The following GREB1L variants were observed in gnomAD, a reference collection of about 807,000 sequenced individuals.
GREB1L encodes GREB1 like retinoic acid receptor coactivator.
Under a neutral mutation model 200.8 loss-of-function variants are expected in GREB1L, and 17 were observed. The ratio of observed to expected loss-of-function variants is 0.08; its 90% confidence interval spans 0.06 to 0.13. GREB1L has a LOEUF of 0.13. Ranked by LOEUF, GREB1L falls within the 10% of genes least tolerant of loss-of-function variation. The pLI is 1.00. For synonymous variants in GREB1L, 789 were observed against 893.0 expected (o/e 0.88, Z 2.08); for missense variants, 1,657 against 2,367.7 (o/e 0.70, Z 6.23).
chr18:21,479,113 C>T (rs1000874104), intron 17 of GREB1L, among the ~76,000 whole-genome samples: 4 of 152,102 alleles, frequency 2.6e-5, no homozygotes, highest in Non-Finnish European at 5.9e-5. Flanking sequence ...AACTCGCAAC[C>T]TCAGTTGATC....
chr18:21,262,964 A>G (rs2037912520), intron 1 of GREB1L, among the ~76,000 whole-genome samples: 2 of 152,358 alleles, frequency 1.3e-5, no homozygotes, highest in African/African-American at 2.4e-5. Context: ...TAAACATTTT[A>G]TAAGGACATT....
At chr18:21,516,146 A>G (rs572883871) in intron 29 of GREB1L, among the ~76,000 whole-genome samples, 44 of 152,224 alleles carry the variant, frequency 2.9e-4, no homozygotes, top group African/African-American at 9.9e-4. Context: ...TCCCAAATAA[A>G]TTATGTCCAG....
At chr18:21,422,854 A>G (rs2032263836) in intron 7 of GREB1L, among the ~76,000 whole-genome samples, 1 of 152,210 alleles carries the variant, frequency 6.6e-6, no homozygotes, top group Non-Finnish European at 1.5e-5. Flanking sequence ...GGTTGTACCA[A>G]TATTTCCACA....
chr18:21,397,465 C>T (rs1271592615), intron 5 of GREB1L, among the ~76,000 whole-genome samples: 1 of 148,956 alleles, frequency 6.7e-6, no homozygotes, highest in East Asian at 2.0e-4. Context: ...GCAGAGCTTG[C>T]AGTTAGCGGA....
At chr18:21,480,499 C>A (rs2035874544) in intron 17 of GREB1L, among the ~76,000 whole-genome samples, 1 of 151,846 alleles carries the variant, frequency 6.6e-6, no homozygotes, top group Non-Finnish European at 1.5e-5. Flanking sequence ...AGAAATCATC[C>A]CTGAAATTGA....
chr18:21,295,810 G>C (rs1456412370), intron 1 of GREB1L, among the ~76,000 whole-genome samples: 1 of 152,208 alleles, frequency 6.6e-6, no homozygotes, highest in Non-Finnish European at 1.5e-5. Flanking sequence ...AAAGGCACAG[G>C]GTAGAGGGAA....
chr18:21,298,248 TCA>T (rs2144659977), intron 1 of GREB1L, among the ~76,000 whole-genome samples: 1 of 152,340 alleles, frequency 6.6e-6, no homozygotes, highest in East Asian at 1.9e-4. Context: ...ACATTCACTC[TCA>T]GTCTCAGGCT....
chr18:21,300,055 T>G (rs1456794937), intron 1 of GREB1L, among the ~76,000 whole-genome samples: 1 of 152,220 alleles, frequency 6.6e-6, no homozygotes, highest in African/African-American at 2.4e-5. Context: ...CAGTAGTTTA[T>G]ATCCTTAAAG....
intron 7 of GREB1L, among the ~76,000 whole-genome samples, chr18:21,420,165 G>GT (rs2032030477): frequency 2.0e-5 from 3 of 152,160 alleles, no homozygotes; most frequent in Admixed American, 2.0e-4. Context: ...GAGGTCAGGA[G>GT]TTTGACACCA....
At chr18:21,396,420 G>A (rs1335900743) in intron 5 of GREB1L, among the ~76,000 whole-genome samples, 1 of 152,040 alleles carries the variant, frequency 6.6e-6, no homozygotes, top group Non-Finnish European at 1.5e-5. Flanking sequence ...TAAAAAGCAT[G>A]CAATTTATCA....
chr18:21,354,818 A>G (rs142657755), intron 1 of GREB1L, among the ~76,000 whole-genome samples: 1 of 152,350 alleles, frequency 6.6e-6, no homozygotes, highest in East Asian at 1.9e-4. Flanking sequence ...GCTGGAACAC[A>G]GCATTTAGGA....
In GREB1L at chr18:21,490,533, C is replaced by T. The variant is rs1236178640; in HGVS notation, c.3030+182C>T. 2.0e-5 allele frequency among the ~76,000 whole-genome samples: 3 copies of T among 152,098 alleles called. 1 individual carries two copies. In the East Asian group the frequency reaches 5.8e-4, roughly 29 times the overall value. On this transcript the variant is annotated intron_variant, in intron 19 of 32. Coordinates refer to ENST00000424526, the MANE Select transcript of GREB1L (RefSeq NM_001142966.3). ...ATTAGAACCAGTTTGTAAAGATTGC[C>T]CAGCCCTTTATAGCATGCAGTTAGT...
intron 2 of GREB1L, among the ~76,000 whole-genome samples, chr18:21,372,674 C>T (rs1043937243): frequency 2.0e-5 from 3 of 152,020 alleles, no homozygotes; most frequent in African/African-American, 7.2e-5. Flanking sequence ...ATAATCCCAG[C>T]ACTTCGGGAG....
At position 21,266,739 on chromosome 18, in the gene GREB1L, ACTT is replaced by A. The variant is rs1487533050; in HGVS notation, c.-120+24350_-120+24352del. On this transcript the variant is annotated intron_variant, in intron 1 of 32. Coordinates refer to ENST00000424526, the MANE Select transcript of GREB1L (RefSeq NM_001142966.3). ...TAAGAGACTTTGAAAAATTAAATGA[ACTT>A]CTTTGTGAGATGTGAGTTCCACATT... is the stretch of plus-strand genomic sequence containing the variant. 2.0e-5 allele frequency among the ~76,000 whole-genome samples: 3 copies of A among 152,320 alleles called. No homozygotes were observed. In the East Asian group the frequency reaches 5.8e-4, roughly 29 times the overall value.
rs148564647 is a variant in GREB1L at position 21,355,443 on chromosome 18, C to T, written c.-119-10584C>T. Among the ~76,000 whole-genome samples the T allele has an allele frequency of 2.9e-3, 440 of 152,216 alleles. 5 individuals are homozygous for T. The highest frequency in any genetic ancestry group is 9.9e-3 in the African/African-American group (412 of 41,524). On this transcript the variant is annotated intron_variant, in intron 1 of 32. Coordinates refer to ENST00000424526, the MANE Select transcript of GREB1L (RefSeq NM_001142966.3). ...TCCTGACCTCGTGATCCACCTGCCTCGGCCTCCCAAAGTGCTGGGATTACA... is the reference window on the plus strand; with the variant it reads ...TCCTGACCTCGTGATCCACCTGCCTTGGCCTCCCAAAGTGCTGGGATTACA...
At chr18:21,355,688 GT>G (rs2039493128) in intron 1 of GREB1L, among the ~76,000 whole-genome samples, 1 of 152,158 alleles carries the variant, frequency 6.6e-6, no homozygotes, top group African/African-American at 2.4e-5. Flanking sequence ...AGGGAAGGAA[GT>G]TTCAGAAATC....
At chr18:21,384,543 T>TCACA (rs932349703) in intron 4 of GREB1L, 140 bp downstream of exon 4, 6 of 673,740 alleles carry the variant, frequency 8.9e-6, no homozygotes, top group African/African-American at 1.8e-5. Flanking sequence ...ATGCTCTCAT[T>TCACA]CACATTATCT....
At chr18:21,413,306 A>T (rs1238906958) in intron 7 of GREB1L, among the ~76,000 whole-genome samples, 2 of 152,056 alleles carry the variant, frequency 1.3e-5, no homozygotes, top group African/African-American at 4.8e-5. Context: ...TAAGAAGCAG[A>T]TTGTATGGGA....
intron 1 of GREB1L, among the ~76,000 whole-genome samples, chr18:21,246,586 T>G (rs1394929146): frequency 6.6e-6 from 1 of 152,226 alleles, no homozygotes; most frequent in Non-Finnish European, 1.5e-5. Context: ...TCAGTCATTT[T>G]GAGCTGTACC....
Sources: gnomAD v4.1 joint callset for allele counts (sites outside exome capture counted in the v4.1 genomes callset) on GRCh38, gnomAD v4.1.1 for gene constraint, MANE v1.5 for transcripts, NCBI Gene and HGNC (gene_info 2026-07-23, HGNC 2026-07-21) for gene names.